The following ARID4B variants were observed in gnomAD, a reference collection of about 807,000 sequenced individuals.
ARID4B encodes the protein AT-rich interaction domain 4B.
Under a neutral mutation model 147.5 loss-of-function variants are expected in ARID4B, and 26 were observed. The observed-to-expected ratio is 0.18, with a 90% CI of 0.13 to 0.24. The LOEUF is 0.24. ARID4B is among the 10% of genes least tolerant of loss of function. ARID4B has a pLI of 1.00. For synonymous variants in ARID4B, 512 were observed against 507.9 expected (o/e 1.01, Z -0.11); for missense variants, 1,179 against 1,511.5 (o/e 0.78, Z 3.65).
intron 6 of ARID4B, among the ~76,000 whole-genome samples, chr1:235,247,286 G>A (rs1343372618): frequency 1.3e-5 from 2 of 152,126 alleles, no homozygotes; most frequent in East Asian, 3.9e-4. Context: ...TACAAACCAG[G>A]GTGGTATAAG....
At chr1:235,215,507 G>C (rs1209487039) in intron 16 of ARID4B, among the ~76,000 whole-genome samples, 1 of 149,474 alleles carries the variant, frequency 6.7e-6, no homozygotes, top group East Asian at 2.0e-4. Flanking sequence ...TAAGAGTAAT[G>C]ATTATATATA....
chr1:235,257,804 T>C (rs572675170), intron 3 of ARID4B, among the ~76,000 whole-genome samples: 2 of 152,290 alleles, frequency 1.3e-5, no homozygotes, highest in East Asian at 3.9e-4. Context: ...TTTATTTCAA[T>C]ACTATCAGTT....
intron 6 of ARID4B, among the ~76,000 whole-genome samples, chr1:235,252,180 C>T (rs1039566368): frequency 1.3e-5 from 2 of 152,086 alleles, no homozygotes; most frequent in African/African-American, 2.4e-5. Context: ...AGTCTCTGAC[C>T]GTGTGACACA....
intron 17 of ARID4B, among the ~76,000 whole-genome samples, chr1:235,202,865 A>G (rs905039238): frequency 1.3e-5 from 2 of 152,120 alleles, no homozygotes; most frequent in African/African-American, 2.4e-5. Flanking sequence ...ATGAAAAATT[A>G]TATGAGACTC....
intron 13 of ARID4B, among the ~76,000 whole-genome samples, chr1:235,221,919 T>TTTTTTTTTC (rs1558217449): frequency 1.9e-5 from 2 of 106,666 alleles, no homozygotes; most frequent in East Asian, 4.6e-4. Context: ...TTTTTTTTTT[T>TTTTTTTTTC]TGGAGACAGG....
chr1:235,245,666 T>C (rs1043247034), intron 7 of ARID4B, among the ~76,000 whole-genome samples: 3 of 152,200 alleles, frequency 2.0e-5, no homozygotes, highest in African/African-American at 7.2e-5. Flanking sequence ...TTTTCATATA[T>C]AAATGAAACT....
At chr1:235,289,148 G>A (rs1007869869) in intron 2 of ARID4B, among the ~76,000 whole-genome samples, 1 of 152,108 alleles carries the variant, frequency 6.6e-6, no homozygotes, top group African/African-American at 2.4e-5. Flanking sequence ...CAGTAGGTCT[G>A]GCCAAAAGTC....
intron 18 of ARID4B, 88 bp downstream of exon 18, chr1:235,195,935 TCAATAAAG>T: frequency 1.3e-6 from 1 of 742,412 alleles, no homozygotes; most frequent in Non-Finnish European, 2.3e-6. Flanking sequence ...ATGTGCTATT[TCAATAAAG>T]TGTAACACTA....
At chr1:235,189,732 C>T (rs1664954157) in intron 19 of ARID4B, among the ~76,000 whole-genome samples, 1 of 138,758 alleles carries the variant, frequency 7.2e-6, no homozygotes, top group Admixed American at 7.7e-5. Flanking sequence ...AACACAGTCT[C>T]AATTAAAGAA....
chr1:235,175,251 A>G lies in ARID4B; in HGVS notation c.3597T>C (p.Asp1199=). 6.2e-7 allele frequency: 1 copy of G among 1,614,210 alleles called. No homozygotes were observed. The highest frequency in any genetic ancestry group is 2.2e-5 in the East Asian group (1 of 44,880). ...TGGGTTCCTTGAGATCAGGATCCTT[A>G]TCACCATTCTTTCCACATTTTCCTG... ...QSPGKCGKNG[D]KDPDLKEPSN... Residue 1199 remains aspartate (D), a synonymous_variant, in exon 22 of 24, where the codon GAT becomes GAC. Transcript: ENST00000264183.
chr1:235,182,990 C>A (rs370585047), intron 19 of ARID4B, among the ~76,000 whole-genome samples, 197 bp from the exon 20 acceptor site: 64 of 152,134 alleles, frequency 4.2e-4, no homozygotes, highest in African/African-American at 1.5e-3. Context: ...TGTTCTATTA[C>A]GATCACGGTG....
intron 3 of ARID4B, among the ~76,000 whole-genome samples, chr1:235,257,464 CAT>C (rs1670052552): frequency 6.6e-6 from 1 of 151,560 alleles, no homozygotes; most frequent in African/African-American, 2.4e-5. Flanking sequence ...AGATGTTCCA[CAT>C]GTCATTTTTT....
intron 2 of ARID4B, among the ~76,000 whole-genome samples, chr1:235,300,952 T>C (rs1168108894): frequency 1.3e-5 from 2 of 151,854 alleles, no homozygotes; most frequent in Admixed American, 6.6e-5. Context: ...CTTGACCTCA[T>C]GATCTGCCTG....
intron 19 of ARID4B, among the ~76,000 whole-genome samples, chr1:235,193,758 T>C (rs1665287485): frequency 6.6e-6 from 1 of 152,158 alleles, no homozygotes; most frequent in South Asian, 2.1e-4. Context: ...TAACGCTCAC[T>C]GGAGCATTTC....
chr1:235,214,589 A>C (rs1024437446), intron 16 of ARID4B, among the ~76,000 whole-genome samples: 10 of 152,182 alleles, frequency 6.6e-5, no homozygotes, highest in Admixed American at 6.5e-5. Flanking sequence ...CCGAATTTTC[A>C]AATGTTATAA....
At chr1:235,183,108 A>G (rs1664431744) in intron 19 of ARID4B, among the ~76,000 whole-genome samples, 5 of 152,132 alleles carry the variant, frequency 3.3e-5, no homozygotes, top group Admixed American at 3.3e-4. Context: ...AAAAAGAAAA[A>G]AGCTTCTCCA....
intron 2 of ARID4B, among the ~76,000 whole-genome samples, chr1:235,316,637 G>A (rs1674456905): frequency 6.6e-6 from 1 of 152,060 alleles, no homozygotes; most frequent in African/African-American, 2.4e-5. Flanking sequence ...TGGCCAACAT[G>A]GCGAAACCTC....
At chr1:235,244,053 T>C (rs942102714) in intron 7 of ARID4B, among the ~76,000 whole-genome samples, 1 of 152,160 alleles carries the variant, frequency 6.6e-6, no homozygotes, top group East Asian at 1.9e-4. Flanking sequence ...TTAAAATATA[T>C]GAGTAAATTT....
intron 4 of ARID4B, among the ~76,000 whole-genome samples, chr1:235,256,123 G>A (rs1188798446): frequency 2.1e-5 from 3 of 146,028 alleles, no homozygotes; most frequent in South Asian, 2.2e-4. Flanking sequence ...GCAGTGAGCC[G>A]AGATCGCGCC....
Sources: gnomAD v4.1 joint callset for allele counts (sites outside exome capture counted in the v4.1 genomes callset) on GRCh38, gnomAD v4.1.1 for gene constraint, MANE v1.5 for transcripts, NCBI Gene and HGNC (gene_info 2026-07-23, HGNC 2026-07-21) for gene names.